MYT1L: variants seen among roughly 807,000 people sequenced by gnomAD.
The protein encoded by MYT1L is myelin transcription factor 1-like protein.
MYT1L carries 12 observed loss-of-function variants against 126.7 expected under a neutral mutation model. The ratio of observed to expected loss-of-function variants is 0.09; its 90% CI spans 0.06 to 0.15. MYT1L has a LOEUF of 0.15. Ranked by LOEUF, MYT1L falls within the 10% of genes least tolerant of loss-of-function variation. MYT1L has a pLI of 1.00. For synonymous variants in MYT1L, 541 were observed against 604.2 expected, an observed-to-expected ratio of 0.90 and a Z score of 1.53; for missense variants, 979 against 1,585.2, an observed-to-expected ratio of 0.62 and a Z score of 6.49.
intron 1 of MYT1L, among the ~76,000 whole-genome samples, chr2:2,300,499 C>T (rs1312311250): frequency 6.6e-6 from 1 of 152,196 alleles, no homozygotes; most frequent in African/African-American, 2.4e-5. Flanking sequence ...CTTTACATCT[C>T]ATTAGTGTGA....
intron 8 of MYT1L, among the ~76,000 whole-genome samples, chr2:1,953,777 C>T (rs1408998849): frequency 2.6e-5 from 4 of 152,332 alleles, no homozygotes; most frequent in South Asian, 2.1e-4. Context: ...CTGCTTTTCA[C>T]GAAATCATAC....
chr2:1,967,968 CCTGCTCA>C (rs1558574179), intron 8 of MYT1L, among the ~76,000 whole-genome samples: 1 of 152,116 alleles, frequency 6.6e-6, no homozygotes, highest in Non-Finnish European at 1.5e-5. Context: ...TGCACTGCTC[CCTGCTCA>C]CTGCACCCCA....
chr2:2,214,455 G>A (rs1198870478), intron 2 of MYT1L, among the ~76,000 whole-genome samples: 1 of 151,878 alleles, frequency 6.6e-6, no homozygotes, highest in Non-Finnish European at 1.5e-5. Context: ...CGACAAACAG[G>A]AAAGCTTAAA....
intron 2 of MYT1L, among the ~76,000 whole-genome samples, chr2:2,250,839 C>A (rs1361219354): frequency 2.6e-5 from 4 of 151,862 alleles, no homozygotes; most frequent in Non-Finnish European, 5.9e-5. Context: ...AAAAATTCAG[C>A]CAGCATAATT....
intron 2 of MYT1L, among the ~76,000 whole-genome samples, chr2:2,221,013 ACTC>A (rs1361802627): frequency 6.6e-6 from 1 of 152,048 alleles, no homozygotes; most frequent in Non-Finnish European, 1.5e-5. Context: ...ACTGGATAAA[ACTC>A]CTATTAGCAG....
rs1044062476 is a variant in MYT1L at position 1,986,082 on chromosome 2, A to G, written c.1-6305T>C. On this transcript the variant is annotated intron_variant, in intron 5 of 24. Transcript: ENST00000647738. ...CAGGCAGGTGGACGTCCTGACGGAA[A>G]AGTGCCTGGCCCATGGTAGATGCCT... Among the ~76,000 whole-genome samples, 60 of 152,252 alleles carry G rather than the reference A, an allele frequency of 3.9e-4. 1 individual carries two copies. The highest frequency in any genetic ancestry group is 7.2e-4 in the Non-Finnish European group (49 of 68,046).
At chr2:2,323,247 C>T (rs1319187704) in intron 1 of MYT1L, among the ~76,000 whole-genome samples, 1 of 151,920 alleles carries the variant, frequency 6.6e-6, no homozygotes, top group Non-Finnish European at 1.5e-5. Context: ...TCCCCTCCCC[C>T]CAAAAGTTGT....
chr2:1,919,582 T>G (rs2053297717), intron 10 of MYT1L, among the ~76,000 whole-genome samples: 1 of 152,226 alleles, frequency 6.6e-6, no homozygotes, highest in South Asian at 2.1e-4. Flanking sequence ...TGTGTAGAAA[T>G]GAGAATACAA....
intron 3 of MYT1L, among the ~76,000 whole-genome samples, chr2:2,158,401 C>A (rs1322461183): frequency 6.6e-6 from 1 of 152,196 alleles, no homozygotes; most frequent in East Asian, 1.9e-4. Context: ...TTTGCATGTT[C>A]CAGGCTGTCA....
intron 2 of MYT1L, among the ~76,000 whole-genome samples, chr2:2,260,239 G>A (rs185873416): frequency 1.3e-5 from 2 of 152,298 alleles, no homozygotes; most frequent in East Asian, 1.9e-4. Flanking sequence ...CTGTGCCTCC[G>A]TGACCCCATC....
intron 2 of MYT1L, among the ~76,000 whole-genome samples, chr2:2,230,866 G>C (rs1215632126): frequency 6.6e-6 from 1 of 152,124 alleles, no homozygotes; most frequent in Non-Finnish European, 1.5e-5. Context: ...AGATCTTTCT[G>C]TCTTTACATT....
intron 3 of MYT1L, among the ~76,000 whole-genome samples, chr2:2,092,543 T>G (rs959145973): frequency 2.6e-5 from 4 of 152,084 alleles, no homozygotes; most frequent in African/African-American, 9.7e-5. Flanking sequence ...TTGGAAAAAA[T>G]GGCATCAATA....
chr2:2,004,799 T>G (rs200851429), intron 4 of MYT1L, among the ~76,000 whole-genome samples: 2 of 61,518 alleles, frequency 3.3e-5, no homozygotes, highest in Admixed American at 1.4e-4. Flanking sequence ...TTCCTGCATG[T>G]GTTCTTTCCT....
chr2:1,849,732 T>G (rs957244089), intron 19 of MYT1L, among the ~76,000 whole-genome samples: 1 of 152,262 alleles, frequency 6.6e-6, no homozygotes, highest in African/African-American at 2.4e-5. Context: ...TGGAGAATCC[T>G]CCCACAAGTT....
intron 4 of MYT1L, among the ~76,000 whole-genome samples, chr2:2,009,918 T>TC (rs1553412552): frequency 1.3e-5 from 2 of 148,494 alleles, no homozygotes; most frequent in Non-Finnish European, 3.0e-5. Context: ...TTTTTTTTTT[T>TC]CATGAAAGGG....
At position 2,230,629 on chromosome 2, in the gene MYT1L, G is replaced by A. The variant is rs981576411; in HGVS notation, c.-421+53775C>T. Among the ~76,000 whole-genome samples, 6 of 152,222 alleles carry A rather than the reference G, an allele frequency of 3.9e-5. No individual in the cohort carries two copies. In the East Asian group the frequency reaches 7.8e-4, roughly 20 times the overall value. On this transcript the variant is annotated intron_variant, in intron 2 of 24. Transcript: ENST00000647738. ...AGCCCGCTCCCTACCCAGACGCCAC[G>A]CTGTGGAAAATCCACTTCTAGCAGC...
At chr2:2,229,533 C>T (rs2149048228) in intron 2 of MYT1L, among the ~76,000 whole-genome samples, 1 of 152,148 alleles carries the variant, frequency 6.6e-6, no homozygotes, top group South Asian at 2.1e-4. Flanking sequence ...CCTCAACCTC[C>T]TGGGTTCAAG....
At chr2:1,920,820 T>G (rs1023495903) in intron 10 of MYT1L, among the ~76,000 whole-genome samples, 14 of 152,196 alleles carry the variant, frequency 9.2e-5, no homozygotes, top group African/African-American at 3.1e-4. Flanking sequence ...GGCCTGAAGC[T>G]CTACTGAGCT....
chr2:1,898,938 T>A (rs2049979184), intron 14 of MYT1L, among the ~76,000 whole-genome samples: 1 of 151,152 alleles, frequency 6.6e-6, no homozygotes, highest in South Asian at 2.1e-4. Flanking sequence ...GTCAGGGGAG[T>A]TGTCTGTGTG....
Sources: allele counts gnomAD v4.1 joint callset (sites outside exome capture counted in the v4.1 genomes callset), GRCh38; gene constraint gnomAD v4.1.1; transcripts MANE v1.5; gene names NCBI Gene and HGNC (gene_info 2026-07-23, HGNC 2026-07-21).